The following CFAP69 variants were observed in gnomAD, a reference collection of about 807,000 sequenced individuals.
CFAP69 encodes cilia and flagella associated protein 69.
In CFAP69, 92 loss-of-function variants were observed where a neutral mutation model predicts 123.0. The observed-to-expected ratio is 0.75, with a 90% CI of 0.63 to 0.89. The LOEUF (loss-of-function observed/expected upper bound fraction) is 0.89. CFAP69 is among the 40% of genes least tolerant of loss of function. The pLI is 0.00. For missense variants in CFAP69, 1,067 were observed against 1,096.9 expected, an observed-to-expected ratio of 0.97 and a Z score of 0.39; for synonymous variants, 380 against 364.3, an observed-to-expected ratio of 1.04 and a Z score of -0.49.
intron 3 of CFAP69, among the ~76,000 whole-genome samples, 178 bp downstream of exon 3, chr7:90,258,341 G>A (rs17863053): frequency 0.066 from 9,980 of 152,202 alleles, 463 homozygotes; most frequent in South Asian, 0.2. Context: ...ATCAGCCTCA[G>A]TGGACTAAAG....
chr7:90,279,803 T>C lies in CFAP69; in HGVS notation c.1282T>C (p.Ser428Pro). 1.2e-6 allele frequency: 2 copies of C among 1,612,778 alleles called. No homozygotes were observed. Among genetic ancestry groups the C allele is most frequent in the Non-Finnish European group, 1.7e-6 (2 of 1,179,582 alleles). The stretch of plus-strand genomic sequence containing the variant: ...ACAACTGCATGCAATTGCCACTTTG[T>C]CATCAGTGGCTCCTTTATTAATAGA... The part of the protein sequence containing the change: ...ELQLHAIATL[S>P]SVAPLLIEEY... Residue 428 changes from serine to proline, a missense_variant, in exon 12 of 23, where the codon TCA becomes CCA. Coordinates refer to ENST00000389297, the MANE Select transcript of CFAP69 (RefSeq NM_001039706.3).
the CFAP69 span, chr7:90,316,437 C>G: frequency 6.6e-6 from 1 of 152,214 alleles, no homozygotes; most frequent in African/African-American, 2.4e-5. Context: ...TTTTGACCAC[C>G]TTCTTTTTTA....
At chr7:90,252,788 G>A (rs184174385) in intron 1 of CFAP69, among the ~76,000 whole-genome samples, 1 of 152,260 alleles carries the variant, frequency 6.6e-6, no homozygotes, top group Admixed American at 6.5e-5. Flanking sequence ...TGACATCTCA[G>A]TTAGGATTAA....
chr7:90,277,892 A>T (rs1788839310), intron 11 of CFAP69, among the ~76,000 whole-genome samples: 1 of 152,148 alleles, frequency 6.6e-6, no homozygotes, highest in Non-Finnish European at 1.5e-5. Flanking sequence ...ATGTGGCCTT[A>T]GAAAAATTAC....
At chr7:90,248,907 C>T (rs531968145) in intron 1 of CFAP69, among the ~76,000 whole-genome samples, 2 of 152,248 alleles carry the variant, frequency 1.3e-5, no homozygotes, top group Admixed American at 6.5e-5. Flanking sequence ...CCTACCTCAT[C>T]GAATTATTGT....
At position 90,307,101 on chromosome 7, in the gene CFAP69, A is replaced by G. The variant is rs950359152; in HGVS notation, c.2463+3A>G. On this transcript the variant is annotated splice_donor_region_variant and intron_variant, in intron 20 of 22. Coordinates refer to ENST00000389297, the MANE Select transcript of CFAP69 (RefSeq NM_001039706.3). ...ATGAACAAAAAGTATATGCAAAAGTAAGCTACATAGGTAGTGAGGAGGGAG... is the reference window on the plus strand; with the variant it reads ...ATGAACAAAAAGTATATGCAAAAGTGAGCTACATAGGTAGTGAGGAGGGAG... 1.9e-6 allele frequency: 3 copies of G among 1,608,844 alleles called. No homozygotes were observed. Among genetic ancestry groups the G allele is most frequent in the Non-Finnish European group, 2.5e-6 (3 of 1,177,912 alleles).
At chr7:90,273,646 A>T (rs1265733499) in intron 8 of CFAP69, among the ~76,000 whole-genome samples, 1 of 152,206 alleles carries the variant, frequency 6.6e-6, no homozygotes, top group Non-Finnish European at 1.5e-5. Flanking sequence ...AAAGTACCGT[A>T]AACTGGGTGG....
intron 19 of CFAP69, among the ~76,000 whole-genome samples, chr7:90,305,328 G>A (rs868246187): frequency 8.2e-5 from 12 of 146,914 alleles, no homozygotes; most frequent in African/African-American, 2.8e-4. Context: ...GCGACAGAGC[G>A]AGACTCCGTC....
intron 4 of CFAP69, among the ~76,000 whole-genome samples, chr7:90,264,788 A>AT (rs1218727680): frequency 1.3e-5 from 2 of 151,438 alleles, no homozygotes; most frequent in African/African-American, 2.4e-5. Context: ...CATTAGAAAC[A>AT]TTTTTTTTCT....
intron 19 of CFAP69, among the ~76,000 whole-genome samples, chr7:90,305,355 A>G: frequency 6.7e-6 from 1 of 150,182 alleles, no homozygotes; most frequent in Non-Finnish European, 1.5e-5. Flanking sequence ...AAAAAAAAGA[A>G]ACTGATATAA....
At chr7:90,257,959 T>A (rs1481787761) in intron 2 of CFAP69, 139 bp from the exon 3 acceptor site, 12 of 609,032 alleles carry the variant, frequency 2.0e-5, no homozygotes, top group Non-Finnish European at 3.1e-5. Flanking sequence ...CAGAAAACAT[T>A]TTATAACGTT....
chr7:90,316,018 C>T (rs1015717037), downstream of CFAP69, among the ~76,000 whole-genome samples: 8 of 151,984 alleles, frequency 5.3e-5, no homozygotes, highest in African/African-American at 9.7e-5. Context: ...CACTTGAACC[C>T]GGGAGGCGGA....
rs1788920569 is a variant in CFAP69 at position 90,278,406 on chromosome 7, T to C, written c.1155+1072T>C. 2.6e-5 allele frequency among the ~76,000 whole-genome samples: 4 copies of C among 152,154 alleles called. No individual in the cohort carries two copies. The South Asian group carries it at 8.3e-4, about 31-fold the overall frequency. On this transcript the variant is annotated intron_variant, in intron 11 of 22. Coordinates refer to ENST00000389297, the MANE Select transcript of CFAP69 (RefSeq NM_001039706.3). The stretch of plus-strand genomic sequence containing the variant: ...TGCTCAGGAAAAGAAAAGTTGTCTT[T>C]ATAATTATAACTTTATTATTTGTGA...
chr7:90,299,539 A>T (rs1429106434), intron 16 of CFAP69, among the ~76,000 whole-genome samples: 1 of 152,180 alleles, frequency 6.6e-6, no homozygotes, highest in Non-Finnish European at 1.5e-5. Context: ...TCTGTATAAC[A>T]CTATCGAGCT....
intron 6 of CFAP69, 125 bp downstream of exon 6, chr7:90,268,509 T>G (rs1799486577): frequency 1.5e-6 from 1 of 649,508 alleles, no homozygotes; most frequent in African/African-American, 1.9e-5. Flanking sequence ...GAAAACTTTT[T>G]TGTAGTCTTG....
intron 9 of CFAP69, chr7:90,276,224 C>T (rs1054650766): frequency 1.3e-5 from 2 of 152,200 alleles, no homozygotes; most frequent in Non-Finnish European, 2.9e-5. Flanking sequence ...GTCAAGTAGT[C>T]CCAAGAGTCA....
intron 13 of CFAP69, among the ~76,000 whole-genome samples, chr7:90,285,048 A>G (rs1790064603): frequency 6.6e-6 from 1 of 152,212 alleles, no homozygotes; most frequent in Admixed American, 6.5e-5. Flanking sequence ...TGAGCATTAT[A>G]CTATGTGTTA....
At chr7:90,262,159 C>T (rs1430342708) in intron 4 of CFAP69, 103 bp downstream of exon 4, 6 of 691,444 alleles carry the variant, frequency 8.7e-6, no homozygotes, top group Non-Finnish European at 1.4e-5. Context: ...CAGATTGCTA[C>T]AGAACTCAGA....
intron 9 of CFAP69, among the ~76,000 whole-genome samples, chr7:90,275,806 G>A (rs371766095): frequency 2.0e-4 from 31 of 151,936 alleles, no homozygotes; most frequent in East Asian, 1.9e-3. Context: ...GTTTCACTGT[G>A]TTAGCCAGGA....
Sources: allele counts gnomAD v4.1 joint callset (sites outside exome capture counted in the v4.1 genomes callset), GRCh38; gene constraint gnomAD v4.1.1; transcripts MANE v1.5; gene names NCBI Gene and HGNC (gene_info 2026-07-23, HGNC 2026-07-21).